PM20D1: variants seen among roughly 807,000 people sequenced by gnomAD.
The protein encoded by PM20D1 is peptidase M20 domain containing 1, also known as N-fatty-acyl-amino acid synthase/hydrolase PM20D1.
A neutral mutation model predicts 53.8 loss-of-function variants in PM20D1; 53 were observed. That is an observed-to-expected ratio of 0.98 (90% confidence interval 0.79 to 1.24). The LOEUF (loss-of-function observed/expected upper bound fraction) is 1.24, where lower values mean the gene tolerates loss of function less well. PM20D1 is among the 50% of genes most tolerant of loss of function. The probability of loss-of-function intolerance (pLI) is 0.00; values close to 1 mark genes in which losing one functional copy is unlikely to be tolerated. For synonymous variants in PM20D1, 239 were observed against 241.3 expected (o/e 0.99, Z 0.09); for missense variants, 564 against 616.8 (o/e 0.91, Z 0.91).
intron 4 of PM20D1, 92 bp from the exon 5 acceptor site, chr1:205,844,309 G>C: frequency 7.2e-7 from 1 of 1,385,530 alleles, no homozygotes; most frequent in Non-Finnish European, 9.5e-7. Flanking sequence ...CTAGCTAGGG[G>C]CTCCAGAACC....
At chr1:205,834,439 G>A (rs1290527460) in intron 10 of PM20D1, among the ~76,000 whole-genome samples, 2 of 152,196 alleles carry the variant, frequency 1.3e-5, no homozygotes, top group Non-Finnish European at 2.9e-5. Context: ...CTACAGGCGT[G>A]AGCCACCGTG....
At chr1:205,845,116 T>TC in intron 3 of PM20D1, among the ~76,000 whole-genome samples, 1 of 152,130 alleles carries the variant, frequency 6.6e-6, no homozygotes, top group East Asian at 1.9e-4. Context: ...GTGTCAGGAC[T>TC]GAAAGGGTCC....
At position 205,843,864 on chromosome 1, in the gene PM20D1, T is replaced by C. The variant is rs896421053; in HGVS notation, c.708-78A>G. 3.3e-5 allele frequency: 51 copies of C among 1,550,024 alleles called. No individual in the cohort carries two copies. In the African/African-American group the frequency reaches 5.8e-4, roughly 18 times the overall value. ...TCCCATAGGCCCATAGGTCCATCTG[T>C]GCAATAGTCTAGTGGGCAAGGAGGT... On this transcript the variant is annotated intron_variant, in intron 5 of 12. Coordinates refer to ENST00000367136, the MANE Select transcript of PM20D1 (RefSeq NM_152491.5).
Position 205,844,069 on chromosome 1 carries a change from GT to G in PM20D1, c.707+17del, listed in dbSNP as rs1189544233. The G allele has an allele frequency of 6.2e-7, 1 of 1,600,618 alleles. No individual in the cohort carries two copies. Among genetic ancestry groups the G allele is most frequent in the African/African-American group, 1.3e-5 (1 of 74,696 alleles). ...GTGAGAATTCCCTCCAAGGTGTGGG[GT>G]GGGATGCTTTACTCACAAGGCGATG... On this transcript the variant is annotated intron_variant, in intron 5 of 12. Transcript: ENST00000367136.
At position 205,842,742 on chromosome 1, in the gene PM20D1, C is replaced by G. The variant is rs1253003637; in HGVS notation, c.837G>C (p.Gln279His). Residue 279 changes from glutamine to histidine, a missense_variant, in exon 7 of 13, where the codon CAG becomes CAC. Coordinates refer to ENST00000367136, the MANE Select transcript of PM20D1 (RefSeq NM_152491.5). ...TTCCAAATATGATAGGCATTGGTGTCTGCTCCAATCTGGAAGAGAAACAGA... is the reference window on the plus strand; with the variant it reads ...TTCCAAATATGATAGGCATTGGTGTGTGCTCCAATCTGGAAGAGAAACAGA... ...ILAAAVSRLE[Q>H]TPMPIIFGSG... 1.2e-6 allele frequency: 2 copies of G among 1,614,016 alleles called. No individual in the cohort carries two copies. Among genetic ancestry groups the G allele is most frequent in the Non-Finnish European group, 8.5e-7 (1 of 1,180,022 alleles).
At chr1:205,829,891 C>T in intron 12 of PM20D1, 1 of 175,472 alleles carries the variant, frequency 5.7e-6, no homozygotes. Flanking sequence ...CACCTTTGAC[C>T]TCATATGTGT....
chr1:205,849,383 A>G (rs768098582), intron 1 of PM20D1, among the ~76,000 whole-genome samples: 7 of 152,042 alleles, frequency 4.6e-5, no homozygotes, highest in African/African-American at 9.7e-5. Flanking sequence ...CTTTCTTTAG[A>G]GCCATCTGAT....
chr1:205,836,899 T>C (rs1227895734), intron 10 of PM20D1, among the ~76,000 whole-genome samples: 1 of 152,190 alleles, frequency 6.6e-6, no homozygotes, highest in Non-Finnish European at 1.5e-5. Context: ...CTGTCAAAAT[T>C]AGAGGGCATC....
At chr1:205,839,910 CAAAAAAAAA>C (rs567749262) in intron 10 of PM20D1, among the ~76,000 whole-genome samples, 2 of 58,090 alleles carry the variant, frequency 3.4e-5, no homozygotes, top group East Asian at 1.1e-3. Context: ...GACTCTGACT[CAAAAAAAAA>C]AAAAAAAAAA....
chr1:205,834,226 G>T (rs547231604), intron 10 of PM20D1, among the ~76,000 whole-genome samples: 4 of 150,120 alleles, frequency 2.7e-5, no homozygotes, highest in African/African-American at 7.4e-5. Context: ...CACCATCTCG[G>T]CTCACTGCGA....
chr1:205,849,762 T>C, intron 1 of PM20D1, 142 bp downstream of exon 1: 1 of 1,012,670 alleles, frequency 9.9e-7, no homozygotes. Context: ...CTGGGAAGGG[T>C]GTTGGGGCCG....
chr1:205,836,580 T>G (rs1656692452), intron 10 of PM20D1, among the ~76,000 whole-genome samples: 1 of 152,230 alleles, frequency 6.6e-6, no homozygotes, highest in Admixed American at 6.5e-5. Context: ...TGATCATAGC[T>G]CACTGTAACT....
At chr1:205,837,204 G>C (rs1406523922) in intron 10 of PM20D1, among the ~76,000 whole-genome samples, 1 of 152,202 alleles carries the variant, frequency 6.6e-6, no homozygotes, top group Non-Finnish European at 1.5e-5. Flanking sequence ...CTAGTCCACA[G>C]TAGCTACCAA....
Position 205,846,598 on chromosome 1 carries a change from A to T in PM20D1, c.257-1041T>A, listed in dbSNP as rs542008514. 1.6e-4 allele frequency among the ~76,000 whole-genome samples: 25 copies of T among 152,322 alleles called. No homozygotes were observed. The South Asian group carries it at 5.0e-3, about 30-fold the overall frequency. On this transcript the variant is annotated intron_variant, in intron 2 of 12. Coordinates refer to ENST00000367136, the MANE Select transcript of PM20D1 (RefSeq NM_152491.5). ...CCAAATTATATTTAAATATTATATT[A>T]AAAAGTTCAGAGACATTTTTCTTTT...
Position 205,850,113 on chromosome 1 carries a change from C to G in PM20D1, c.-41G>C, listed in dbSNP as rs767366667. ...CTGCTGTCAGGCTACCGGGGTAGTT[C>G]TGACCTAAACGCCCAGACTAGCGTT... On this transcript the variant is annotated 5_prime_UTR_variant, in exon 1 of 13. Transcript: ENST00000367136. 1.3e-6 allele frequency: 2 copies of G among 1,586,104 alleles called. No homozygotes were observed. Among genetic ancestry groups the G allele is most frequent in the Non-Finnish European group, 1.7e-6 (2 of 1,163,670 alleles).
intron 1 of PM20D1, among the ~76,000 whole-genome samples, chr1:205,848,693 A>G (rs1031635845): frequency 5.3e-5 from 8 of 152,218 alleles, no homozygotes; most frequent in African/African-American, 1.7e-4. Context: ...AATCATGAGA[A>G]TATTGAATTA....
intron 10 of PM20D1, among the ~76,000 whole-genome samples, chr1:205,838,583 C>T (rs952390266): frequency 2.6e-5 from 4 of 152,176 alleles, no homozygotes; most frequent in African/African-American, 9.7e-5. Flanking sequence ...TAGCTCTCTG[C>T]ACCTTCTTCC....
chr1:205,833,269 G>T (rs886839591), intron 10 of PM20D1, among the ~76,000 whole-genome samples: 1 of 152,246 alleles, frequency 6.6e-6, no homozygotes, highest in African/African-American at 2.4e-5. Flanking sequence ...AGGAAGTTAT[G>T]TATCTTTCCC....
chr1:205,849,959 T>G lies in PM20D1; in HGVS notation c.114A>C (p.Arg38=). 1 of 1,614,098 alleles carries G rather than the reference T, an allele frequency of 6.2e-7. No individual in the cohort carries two copies. The highest frequency in any genetic ancestry group is 8.5e-7 in the Non-Finnish European group (1 of 1,180,004). The stretch of plus-strand genomic sequence containing the variant: ...CCTCTTTGCTGAACTGAGAAGGGAT[T>G]CGCGACGCCCTTTGATGCTCCCCGC... ...PRSGEHQRAS[R]IPSQFSKEER... The change falls in exon 1 of 13, where the codon CGA becomes CGC. Residue 38 remains arginine, a synonymous_variant. Transcript: ENST00000367136.
Sources: gnomAD v4.1 joint callset for allele counts (sites outside exome capture counted in the v4.1 genomes callset) on GRCh38, gnomAD v4.1.1 for gene constraint, MANE v1.5 for transcripts, NCBI Gene and HGNC (gene_info 2026-07-23, HGNC 2026-07-21) for gene names.